TRMT2B: variants seen among roughly 807,000 people sequenced by gnomAD.
The protein encoded by TRMT2B is tRNA (uracil-5-)-methyltransferase homolog B.
Under a neutral mutation model 39.7 loss-of-function variants are expected in TRMT2B, and 34 were observed. The ratio of observed to expected loss-of-function variants is 0.86; its 90% CI spans 0.65 to 1.14. TRMT2B has a LOEUF of 1.14. Ranked by LOEUF, TRMT2B falls within the 50% of genes most tolerant of loss-of-function variation. The pLI is 0.00. For missense variants in TRMT2B, 318 were observed against 377.2 expected (o/e 0.84, Z 1.30); for synonymous variants, 132 against 137.3 (o/e 0.96, Z 0.27).
intron 2 of TRMT2B, among the ~76,000 whole-genome samples, chrX:101,049,314 C>T (rs770060260): frequency 1.8e-5 from 2 of 108,493 alleles, no homozygotes; most frequent in South Asian, 4.0e-4. Context: ...GGCAACATAG[C>T]GAGATCCGGT....
Position 101,042,243 on chromosome X carries a change from A to C in TRMT2B, c.47T>G (p.Phe16Cys). The change falls in exon 3 of 14, where the codon TTC becomes TGC. Residue 16 changes from phenylalanine (F) to cysteine (C), a missense_variant. Phe to Cys is a radical substitution (Grantham distance 205). Transcript: ENST00000372936. ...GGAGAAGAGACCCACCATGGAGATG[A>C]AGTATCTGAGGCTGTGCAGTGGGAC... ...RRVPLHSLRY[F>C]ISMVGLFSKP... is the part of the protein sequence containing the mutation. 1 of 1,211,888 alleles carries C rather than the reference A, an allele frequency of 8.3e-7. No individual in the cohort carries two copies. Among genetic ancestry groups the C allele is most frequent in the South Asian group, 1.8e-5 (1 of 57,020 alleles).
In TRMT2B at chrX:101,027,272, G is replaced by A. The variant is rs773930749; in HGVS notation, c.610-3656C>T. ...TTTTGAGATGGAGTCTCACTCTGTC[G>A]CCAGGTTGGAGTGCAGTGGCGCGAT... is the stretch of plus-strand genomic sequence containing the variant. On this transcript the variant is annotated intron_variant, in intron 7 of 13. Coordinates refer to ENST00000372936, the MANE Select transcript of TRMT2B (RefSeq NM_024917.6). Among the ~76,000 whole-genome samples the A allele has an allele frequency of 1.8e-4, 19 of 106,200 alleles. No homozygotes were observed. The South Asian group carries it at 5.6e-3, about 32-fold the overall frequency. 92.2% of individuals were successfully genotyped at this position (106,200 alleles called of 115,157 possible).
At chrX:101,011,085 T>C (rs1023952595) in intron 13 of TRMT2B, among the ~76,000 whole-genome samples, 1 of 112,004 alleles carries the variant, frequency 8.9e-6, no homozygotes, top group Non-Finnish European at 1.9e-5. Context: ...ACCAGCAAAG[T>C]AGAAGAGTAT....
chrX:100,998,344 TA>T, the TRMT2B span, among the ~76,000 whole-genome samples: 1 of 108,238 alleles, frequency 9.2e-6, no homozygotes, highest in African/African-American at 3.4e-5. Context: ...GAAAGCAGGC[TA>T]TGACATTCAT....
chrX:101,013,594 A>T (rs2086364287), intron 13 of TRMT2B: 1 of 117,945 alleles, frequency 8.5e-6, no homozygotes, highest in South Asian at 2.6e-4. Context: ...TGTACTAAAA[A>T]TACAAAAATT....
chrX:101,024,946 G>A (rs374611976), intron 7 of TRMT2B, among the ~76,000 whole-genome samples: 6 of 107,655 alleles, frequency 5.6e-5, no homozygotes, highest in Admixed American at 2.0e-4. Flanking sequence ...GCAGTGAGCC[G>A]AGATCTTACC....
the TRMT2B span, among the ~76,000 whole-genome samples, chrX:100,985,398 G>C: frequency 8.9e-6 from 1 of 111,914 alleles, no homozygotes; most frequent in Non-Finnish European, 1.9e-5. Flanking sequence ...TGGGTAAAGC[G>C]ATGATTTAGG....
chrX:101,012,121 C>A (rs1271669228), intron 13 of TRMT2B, among the ~76,000 whole-genome samples: 2 of 110,657 alleles, frequency 1.8e-5, no homozygotes, highest in Non-Finnish European at 3.8e-5. Context: ...ATTTTATTAT[C>A]CAGTATTATG....
At position 101,035,640 on chromosome X, in the gene TRMT2B, G is replaced by GA. The variant is rs2087791764; in HGVS notation, c.581dup (p.Glu196Ter). The GA allele has an allele frequency of 8.3e-7, 1 of 1,209,241 alleles. No homozygotes were observed. The highest frequency in any genetic ancestry group is 2.2e-5 in the Admixed American group (1 of 45,614). On this transcript the variant is annotated frameshift_variant, in exon 7 of 14. Coordinates refer to ENST00000372936, the MANE Select transcript of TRMT2B (RefSeq NM_024917.6). LOFTEE classifies it high-confidence loss of function. ...GCGCCACTTGACTGTGTTTCTCAGG[G>GA]ATGTTTTTCAGATGATTAGACTGCA...
chrX:101,042,906 T>C (rs1341305974), intron 2 of TRMT2B, among the ~76,000 whole-genome samples: 4 of 111,144 alleles, frequency 3.6e-5, no homozygotes, highest in African/African-American at 1.3e-4. Context: ...GCTCAAGCAA[T>C]CCTTCCACCT....
In TRMT2B at chrX:101,041,388, CA is replaced by C; in HGVS notation, c.249-18del. On this transcript the variant is annotated intron_variant, in intron 3 of 13. Transcript: ENST00000372936. ...TCAGCCAGCCTTGAATAAAATAATT[CA>C]GGCAATTCTTTAATTATATAAATAT... 1 of 1,193,446 alleles carries C rather than the reference CA, an allele frequency of 8.4e-7. No homozygotes were observed. The highest frequency in any genetic ancestry group is 1.8e-5 in the South Asian group (1 of 55,266).
chrX:101,010,462 A>G lies in TRMT2B; in HGVS notation c.*119T>C. 1 of 897,007 alleles carries G rather than the reference A, an allele frequency of 1.1e-6. No homozygotes were observed. The highest frequency in any genetic ancestry group is 1.6e-6 in the Non-Finnish European group (1 of 639,984). 73.9% of individuals were successfully genotyped at this position (897,007 alleles called of 1,213,427 possible). ...GCCTAATAGATTCTTCCTATTCACA[A>G]ACCAAAGATTGGTTTCCACTGTAAT... is the stretch of plus-strand genomic sequence containing the variant. On this transcript the variant is annotated 3_prime_UTR_variant, in exon 14 of 14. Transcript: ENST00000372936.
chrX:101,024,773 A>G (rs990000721), intron 7 of TRMT2B, among the ~76,000 whole-genome samples: 2 of 110,803 alleles, frequency 1.8e-5, no homozygotes, highest in Non-Finnish European at 3.8e-5. Flanking sequence ...GTGAGCCAAG[A>G]TCGCACCACT....
intron 7 of TRMT2B, among the ~76,000 whole-genome samples, chrX:101,024,149 G>A (rs1033572353): frequency 2.7e-5 from 3 of 111,132 alleles, no homozygotes; most frequent in African/African-American, 9.8e-5. Flanking sequence ...CACCATGCCT[G>A]CTGTCCTTAT....
At chrX:101,005,846 A>C (rs2086096519), downstream of TRMT2B, among the ~76,000 whole-genome samples, 1 of 98,244 alleles carries the variant, frequency 1.0e-5, no homozygotes, top group Non-Finnish European at 2.0e-5. Flanking sequence ...GTGCCACTGC[A>C]CTCCAGCCTG....
chrX:100,998,189 G>C, the TRMT2B span, among the ~76,000 whole-genome samples: 25 of 105,614 alleles, frequency 2.4e-4, no homozygotes, highest in African/African-American at 8.8e-4. Flanking sequence ...GAACCCGGGA[G>C]GCAGAGGTTG....
At chrX:100,986,787 C>T in the TRMT2B span, 2 of 1,153,976 alleles carry the variant, frequency 1.7e-6, no homozygotes, top group Admixed American at 2.3e-5. Context: ...CTCTCATATG[C>T]TGTTTTAGTT....
At chrX:101,021,829 T>G (rs755385681) in intron 9 of TRMT2B, 139 bp downstream of exon 9, 43 of 490,270 alleles carry the variant, frequency 8.8e-5, no homozygotes, top group African/African-American at 7.5e-4. Flanking sequence ...TTCTGGCCTG[T>G]GTTCCAAGAC....
intron 13 of TRMT2B, among the ~76,000 whole-genome samples, chrX:101,015,033 G>A (rs2086447377): frequency 9.0e-6 from 1 of 111,031 alleles, no homozygotes; most frequent in African/African-American, 3.3e-5. Context: ...TCTCAATAAA[G>A]CTATTATTTT....
Sources: allele counts gnomAD v4.1 joint callset (sites outside exome capture counted in the v4.1 genomes callset), GRCh38; gene constraint gnomAD v4.1.1; transcripts MANE v1.5; gene names NCBI Gene and HGNC (gene_info 2026-07-23, HGNC 2026-07-21).